The following SEC14L6 variants were observed in gnomAD, a reference collection of about 807,000 sequenced individuals.
SEC14L6 encodes the protein SEC14 like lipid binding 6.
SEC14L6 carries 40 observed loss-of-function variants against 54.1 expected under a neutral mutation model. The ratio of observed to expected loss-of-function variants is 0.74; its 90% CI spans 0.57 to 0.96. The LOEUF (loss-of-function observed/expected upper bound fraction) is 0.96, where lower values mean the gene tolerates loss of function less well. SEC14L6 is among the 40% of genes least tolerant of loss of function. The pLI, the probability that SEC14L6 is intolerant of heterozygous loss-of-function variation, is 0.00. For synonymous variants in SEC14L6, 171 were observed against 198.4 expected (o/e 0.86, Z 1.16); for missense variants, 471 against 498.3 (o/e 0.95, Z 0.52).
chr22:30,532,461 T>A, intron 5 of SEC14L6, 64 bp downstream of exon 5: 1 of 1,455,738 alleles, frequency 6.9e-7, no homozygotes, highest in Non-Finnish European at 9.2e-7. Context: ...AGATTCTGGG[T>A]GTGAGGCTCA....
chr22:30,525,589 G>A lies in SEC14L6; in HGVS notation c.911+22C>T, dbSNP rs1270847031. On this transcript the variant is annotated intron_variant, in intron 10 of 11. Transcript: ENST00000402034. ...AGGCCCCTCCCAGATGTGCCCAGGT[G>A]TAGAGTGGCTGCCATCCCTACCTGA... is the stretch of plus-strand genomic sequence containing the variant. 2.5e-6 allele frequency: 4 copies of A among 1,610,106 alleles called. No individual in the cohort carries two copies. In the South Asian group the frequency reaches 3.3e-5, roughly 13 times the overall value.
chr22:30,543,032 G>A, intron 1 of SEC14L6: 2 of 1,600,480 alleles, frequency 1.2e-6, no homozygotes, highest in Non-Finnish European at 1.7e-6. Flanking sequence ...GTGGTATCGG[G>A]CCCCGCAGCG....
At chr22:30,530,486 G>A (rs12170920) in intron 6 of SEC14L6, among the ~76,000 whole-genome samples, 13,949 of 152,176 alleles carry the variant, frequency 0.092, 1,438 homozygotes, top group African/African-American at 0.25. Flanking sequence ...CTGCAACCTC[G>A]AGTTTCTGGG....
chr22:30,532,412 T>C, intron 5 of SEC14L6, 113 bp downstream of exon 5: 1 of 1,322,766 alleles, frequency 7.6e-7, no homozygotes, highest in South Asian at 1.5e-5. Context: ...CACTCCACAG[T>C]ACCAGGAGGA....
In SEC14L6 at chr22:30,524,922, T is replaced by C; in HGVS notation, c.*75A>G. The C allele has an allele frequency of 1.3e-6, 1 of 783,630 alleles. No homozygotes were observed. The highest frequency in any genetic ancestry group is 2.7e-5 in the East Asian group (1 of 37,264). The allele number at this position is 783,630 out of a possible 1,614,324, so 48.5% of individuals were successfully genotyped here. A position where few individuals can be genotyped will look rare whatever the true frequency, so the allele number is the denominator to read the frequency against. The stretch of plus-strand genomic sequence containing the variant: ...CCTGTTCCTGAGAGGTTGAACAGGG[T>C]CTGGCCAGGGAAGGCTGTGAACTCA... On this transcript the variant is annotated 3_prime_UTR_variant, in exon 12 of 12. Transcript: ENST00000402034.
At chr22:30,538,064 A>G (rs2097871) in intron 2 of SEC14L6, among the ~76,000 whole-genome samples, 108,023 of 152,072 alleles carry the variant, frequency 0.71, 38,631 homozygotes, top group Middle Eastern at 0.75. Context: ...ATTTGGCCAG[A>G]CGAGATGGCT....
rs936728296 is a variant in SEC14L6 at position 30,524,046 on chromosome 22, C to A, written c.*951G>T. ...GGCCACTATCCACCTGCTGTAATCA[C>A]CCCAGGGCAAGATACCAGACAGCTA... On this transcript the variant is annotated 3_prime_UTR_variant, in exon 12 of 12. Coordinates refer to ENST00000402034, the MANE Select transcript of SEC14L6 (RefSeq NM_001193336.4). The A allele has an allele frequency of 1.6e-4, 25 of 152,366 alleles. No individual in the cohort carries two copies. Among genetic ancestry groups the A allele is most frequent in the African/African-American group, 6.0e-4 (25 of 41,578 alleles). 9.4% of individuals were successfully genotyped at this position (152,366 alleles called of 1,614,324 possible). A position where few individuals can be genotyped will look rare whatever the true frequency, so the allele number is the denominator to read the frequency against.
chr22:30,525,587 G>A (rs757761390), intron 10 of SEC14L6, 24 bp downstream of exon 10: 41 of 1,610,070 alleles, frequency 2.5e-5, no homozygotes, highest in Admixed American at 3.4e-5. Context: ...ATGTGCCCAG[G>A]TGTAGAGTGG....
chr22:30,544,133 C>A, intron 1 of SEC14L6: 2 of 1,233,456 alleles, frequency 1.6e-6, no homozygotes, highest in South Asian at 1.3e-5. Context: ...TTCCTTGTCC[C>A]ACAAGGAGCC....
intron 1 of SEC14L6, among the ~76,000 whole-genome samples, chr22:30,545,896 T>C (rs770096457): frequency 4.6e-5 from 7 of 152,036 alleles, no homozygotes; most frequent in Non-Finnish European, 8.8e-5. Context: ...AGTGGCAGAA[T>C]CTTGGCCCAC....
At chr22:30,543,024 G>A in intron 1 of SEC14L6, 2 of 1,601,058 alleles carry the variant, frequency 1.2e-6, no homozygotes, top group African/African-American at 2.7e-5. Context: ...CTGCCCCCGT[G>A]GTATCGGGCC....
In SEC14L6 at chr22:30,546,480, G is replaced by A. The variant is rs1758899758; in HGVS notation, c.54+149C>T. The A allele has an allele frequency of 4.7e-6, 3 of 632,688 alleles. No homozygotes were observed. The Admixed American group carries it at 8.7e-5, about 18-fold the overall frequency. The allele number at this position is 632,688 out of a possible 1,614,324, so 39.2% of individuals were successfully genotyped here. On this transcript the variant is annotated intron_variant, in intron 1 of 11. Coordinates refer to ENST00000402034, the MANE Select transcript of SEC14L6 (RefSeq NM_001193336.4). ...CGTGGTATTTCTATTGGTTAGTGCT[G>A]GTGTAGCCTCTGGCTACCAAGCCCC... is the stretch of plus-strand genomic sequence containing the variant.
chr22:30,542,950 G>C (rs2085751272), intron 1 of SEC14L6: 21 of 1,601,634 alleles, frequency 1.3e-5, no homozygotes, highest in Non-Finnish European at 1.8e-5. Context: ...GTTCCAGAAA[G>C]GGAGCCCTGA....
intron 8 of SEC14L6, among the ~76,000 whole-genome samples, chr22:30,526,962 G>C (rs1936798979): frequency 6.6e-6 from 1 of 152,076 alleles, no homozygotes; most frequent in African/African-American, 2.4e-5. Context: ...GCCACGTGTG[G>C]TAGTGTGCAT....
In SEC14L6 at chr22:30,539,624, C is replaced by G. The variant is rs556090450; in HGVS notation, c.55-722G>C. 2.0e-4 allele frequency among the ~76,000 whole-genome samples: 31 copies of G among 152,260 alleles called. No homozygotes were observed. The South Asian group carries it at 6.2e-3, about 31-fold the overall frequency. On this transcript the variant is annotated intron_variant, in intron 1 of 11. Transcript: ENST00000402034. ...AGCCAGTGAGTGGCAGAGCCAGTTG[C>G]CTGATTCTAGAATTGCAATAAAGAT...
At chr22:30,543,389 A>G in intron 1 of SEC14L6, 6 of 1,591,776 alleles carry the variant, frequency 3.8e-6, no homozygotes, top group Non-Finnish European at 5.2e-6. Context: ...ATCACCTGCC[A>G]GGTGACGAAA....
At chr22:30,542,758 G>T in intron 1 of SEC14L6, 1 of 1,586,616 alleles carries the variant, frequency 6.3e-7, no homozygotes, top group East Asian at 2.2e-5. Flanking sequence ...CCTGAACCCT[G>T]TGGGGCCCAT....
In SEC14L6 at chr22:30,531,905, C is replaced by G; in HGVS notation, c.517G>C (p.Glu173Gln). Residue 173 changes from glutamate (E) to glutamine (Q), a missense_variant and splice_region_variant, in exon 6 of 12, where the codon GAG becomes CAG. By Grantham distance (29) the Glu-to-Gln change is conservative. Coordinates refer to ENST00000402034, the MANE Select transcript of SEC14L6 (RefSeq NM_001193336.4). ...LWKPGIELLQEFFSALEANYP... is the reference protein window; with the variant it reads ...LWKPGIELLQQFFSALEANYP... ...TGCCCCTGGCGGGGTCACCTCACCT[C>G]CTGGAGAAGCTCTATTCCTGGCTTC... The G allele has an allele frequency of 6.5e-7, 1 of 1,550,252 alleles. No homozygotes were observed. The highest frequency in any genetic ancestry group is 8.7e-7 in the Non-Finnish European group (1 of 1,146,632).
chr22:30,532,135 G>A, intron 5 of SEC14L6, 137 bp from the exon 6 acceptor site: 1 of 1,442,410 alleles, frequency 6.9e-7, no homozygotes, highest in African/African-American at 1.4e-5. Flanking sequence ...GGAGGGAAGG[G>A]GCCATCCCAC....
Sources: gnomAD v4.1 joint callset for allele counts (sites outside exome capture counted in the v4.1 genomes callset) on GRCh38, gnomAD v4.1.1 for gene constraint, MANE v1.5 for transcripts, NCBI Gene and HGNC (gene_info 2026-07-23, HGNC 2026-07-21) for gene names.